Variants in KDM4C observed in about 807,000 individuals in gnomAD.
KDM4C encodes the protein lysine demethylase 4C.
Under a neutral mutation model 129.3 loss-of-function variants are expected in KDM4C, and 81 were observed. That is an observed-to-expected ratio of 0.63 (90% CI 0.52 to 0.75). The LOEUF (loss-of-function observed/expected upper bound fraction) is 0.75. Ranked by LOEUF, KDM4C falls within the 30% of genes least tolerant of loss-of-function variation. KDM4C has a pLI of 0.00. For synonymous variants in KDM4C, 573 were observed against 456.1 expected (o/e 1.26, Z -3.26); for missense variants, 1,457 against 1,304.0 (o/e 1.12, Z -1.81).
At chr9:6,895,139 ATTAG>A (rs1053293483) in intron 8 of KDM4C, among the ~76,000 whole-genome samples, 6 of 152,218 alleles carry the variant, frequency 3.9e-5, no homozygotes, top group Non-Finnish European at 7.3e-5. Context: ...CTGAGAATAT[ATTAG>A]TTGTCTCTTG....
chr9:6,797,353 G>C (rs1426375810), intron 2 of KDM4C, among the ~76,000 whole-genome samples: 2 of 152,194 alleles, frequency 1.3e-5, no homozygotes, highest in African/African-American at 2.4e-5. Flanking sequence ...AATTGGTCGA[G>C]TAGGTGCAAC....
At chr9:6,753,422 A>G (rs1051688327), upstream of KDM4C, among the ~76,000 whole-genome samples, 1 of 152,180 alleles carries the variant, frequency 6.6e-6, no homozygotes, top group Non-Finnish European at 1.5e-5. Context: ...AGGATACCAC[A>G]GACTGGGTAA....
At chr9:6,815,679 G>GA (rs1831957375) in intron 4 of KDM4C, among the ~76,000 whole-genome samples, 1 of 152,120 alleles carries the variant, frequency 6.6e-6, no homozygotes, top group African/African-American at 2.4e-5. Context: ...CATGACCTTT[G>GA]AGCATCGTGT....
chr9:6,957,946 A>G (rs1027224651), intron 8 of KDM4C, among the ~76,000 whole-genome samples: 1 of 152,168 alleles, frequency 6.6e-6, no homozygotes, highest in Non-Finnish European at 1.5e-5. Flanking sequence ...AGCCTGTAGA[A>G]TCCGTGTTTG....
chr9:7,088,329 C>G (rs911420378), intron 17 of KDM4C, among the ~76,000 whole-genome samples: 2 of 152,234 alleles, frequency 1.3e-5, no homozygotes, highest in Non-Finnish European at 1.5e-5. Context: ...CACATTCTCT[C>G]TTTAATCCAG....
intron 8 of KDM4C, among the ~76,000 whole-genome samples, chr9:6,906,921 G>A (rs892524195): frequency 3.3e-5 from 5 of 152,202 alleles, no homozygotes; most frequent in Non-Finnish European, 7.3e-5. Flanking sequence ...TATGGGTGAC[G>A]TAGATAGGTA....
chr9:7,059,405 C>T (rs185216090), intron 17 of KDM4C, among the ~76,000 whole-genome samples: 6 of 152,120 alleles, frequency 3.9e-5, no homozygotes, highest in African/African-American at 1.4e-4. Flanking sequence ...GCCTAGCCCT[C>T]GAGAGTATTT....
In KDM4C at chr9:6,740,318, C is replaced by T. The variant is rs189193195; in HGVS notation, c.49+19321C>T. Among the ~76,000 whole-genome samples, 1,431 of 152,192 alleles carry T rather than the reference C, an allele frequency of 9.4e-3. 21 individuals are homozygous for T. The highest frequency in any genetic ancestry group is 0.033 in the African/African-American group (1,356 of 41,502). On this transcript the variant is annotated intron_variant, in intron 1 of 17. Transcript: ENST00000536108. ...TCCCGGGTTCACGCCATTCTCCTGC[C>T]TCAGCCTCCCTAGCAGCTGAGACTA...
At chr9:6,940,033 CTTT>C (rs1563850224) in intron 8 of KDM4C, among the ~76,000 whole-genome samples, 8 of 125,740 alleles carry the variant, frequency 6.4e-5, no homozygotes, top group African/African-American at 2.6e-4. Flanking sequence ...TTCCTTCCTT[CTTT>C]CCTTCCTTCC....
intron 18 of KDM4C, among the ~76,000 whole-genome samples, chr9:7,122,557 C>A (rs1206569998): frequency 6.6e-6 from 1 of 152,108 alleles, no homozygotes; most frequent in Non-Finnish European, 1.5e-5. Context: ...GATGTTACAT[C>A]ATCTATTTAG....
intron 8 of KDM4C, chr9:6,974,763 C>T (rs1832655289): frequency 6.6e-6 from 1 of 152,154 alleles, no homozygotes; most frequent in Admixed American, 6.5e-5. Flanking sequence ...TGATCTTCCT[C>T]AGATTTATCA....
chr9:7,131,275 C>T (rs977928224), intron 19 of KDM4C, among the ~76,000 whole-genome samples: 2 of 152,088 alleles, frequency 1.3e-5, no homozygotes, highest in African/African-American at 2.4e-5. Flanking sequence ...ACAGTGTCAC[C>T]GTTGTTAGCT....
chr9:7,049,085 C>T lies in KDM4C; in HGVS notation c.2316-7C>T. On this transcript the variant is annotated splice_region_variant and splice_polypyrimidine_tract_variant and intron_variant, in intron 16 of 21. Transcript: ENST00000381309. ...TTTGTTTATGTTTAATGTCTCCTTTCCTGTAGGTGGGCCCATGTCATGTGC... is the reference window on the plus strand; with the variant it reads ...TTTGTTTATGTTTAATGTCTCCTTTTCTGTAGGTGGGCCCATGTCATGTGC... The T allele has an allele frequency of 1.2e-6, 2 of 1,600,150 alleles. No homozygotes were observed. The highest frequency in any genetic ancestry group is 2.2e-5 in the East Asian group (1 of 44,738).
intron 8 of KDM4C, among the ~76,000 whole-genome samples, chr9:6,947,708 A>G (rs112936460): frequency 1.3e-5 from 2 of 152,056 alleles, no homozygotes; most frequent in Non-Finnish European, 2.9e-5. Context: ...GTTTATCCCT[A>G]ATCTATTTGT....
At chr9:6,866,658 C>T (rs546484419) in intron 5 of KDM4C, among the ~76,000 whole-genome samples, 1 of 152,230 alleles carries the variant, frequency 6.6e-6, no homozygotes, top group East Asian at 1.9e-4. Context: ...TCCTAGGAAA[C>T]CCACAATGGT....
In KDM4C at chr9:6,892,412, C is replaced by T. The variant is rs1846226707; in HGVS notation, c.784-683C>T. Among the ~76,000 whole-genome samples the T allele has an allele frequency of 2.0e-5, 3 of 152,056 alleles. No individual in the cohort carries two copies. The South Asian group carries it at 6.2e-4, about 32-fold the overall frequency. ...GCTTTGGTGATTGTAAAAAAAAAGT[C>T]TTTAATCTAAAAAATAGAAACAGGG... is the stretch of plus-strand genomic sequence containing the variant. On this transcript the variant is annotated intron_variant, in intron 7 of 21. Transcript: ENST00000381309.
chr9:6,914,582 A>G (rs1819963041), intron 8 of KDM4C, among the ~76,000 whole-genome samples: 1 of 152,204 alleles, frequency 6.6e-6, no homozygotes, highest in South Asian at 2.1e-4. Flanking sequence ...TATGTCTGCT[A>G]TGGTTTGAGT....
chr9:6,869,084 A>T (rs147053985), intron 5 of KDM4C, among the ~76,000 whole-genome samples: 227 of 152,332 alleles, frequency 1.5e-3, no homozygotes, highest in African/African-American at 5.3e-3. Context: ...GTATATGGTT[A>T]TCGAATTGTA....
At chr9:6,995,653 T>G (rs752196218) in intron 12 of KDM4C, among the ~76,000 whole-genome samples, 4 of 152,194 alleles carry the variant, frequency 2.6e-5, no homozygotes, top group Non-Finnish European at 5.9e-5. Context: ...TTTCAGAAAG[T>G]ACTTACACCT....
Sources: gnomAD v4.1 joint callset for allele counts (sites outside exome capture counted in the v4.1 genomes callset) on GRCh38, gnomAD v4.1.1 for gene constraint, MANE v1.5 for transcripts, NCBI Gene and HGNC (gene_info 2026-07-23, HGNC 2026-07-21) for gene names.